CORIN: variants seen among roughly 807,000 people sequenced by gnomAD.
CORIN encodes the protein corin, serine peptidase.
Under a neutral mutation model 125.3 loss-of-function variants are expected in CORIN, and 117 were observed. That is an observed-to-expected ratio of 0.93 (90% CI 0.80 to 1.09). The LOEUF (loss-of-function observed/expected upper bound fraction) is 1.09, where lower values mean the gene tolerates loss of function less well. CORIN is among the 50% of genes least tolerant of loss of function. CORIN has a pLI of 0.00. For missense variants in CORIN, 1,253 were observed against 1,306.7 expected, an observed-to-expected ratio of 0.96 and a Z score of 0.63; for synonymous variants, 450 against 466.4, an observed-to-expected ratio of 0.96 and a Z score of 0.45.
chr4:47,646,107 T>C (rs1220410732), intron 13 of CORIN, among the ~76,000 whole-genome samples: 1 of 150,218 alleles, frequency 6.7e-6, no homozygotes, highest in Non-Finnish European at 1.5e-5. Context: ...AAAGCATACA[T>C]TAACATTCAT....
At chr4:47,756,540 T>G (rs1046204497) in intron 4 of CORIN, among the ~76,000 whole-genome samples, 2 of 152,232 alleles carry the variant, frequency 1.3e-5, no homozygotes, top group Non-Finnish European at 2.9e-5. Flanking sequence ...AAGGATTAAG[T>G]ACACTAAAGA....
intron 21 of CORIN, among the ~76,000 whole-genome samples, chr4:47,597,351 C>CAAAA (rs11420411): frequency 8.5e-6 from 1 of 117,872 alleles, no homozygotes. Context: ...AACTCCATCT[C>CAAAA]AAAAAAAAAA....
chr4:47,717,482 C>T (rs1727147022), intron 5 of CORIN, among the ~76,000 whole-genome samples: 1 of 152,200 alleles, frequency 6.6e-6, no homozygotes, highest in African/African-American at 2.4e-5. Flanking sequence ...CGTCCCCAAT[C>T]CTTCATCCAT....
intron 5 of CORIN, among the ~76,000 whole-genome samples, chr4:47,705,023 A>T (rs1281845162): frequency 2.0e-5 from 3 of 152,176 alleles, no homozygotes; most frequent in African/African-American, 7.2e-5. Flanking sequence ...ATCTTTTCTG[A>T]AGGGCATACT....
At chr4:47,605,700 T>C (rs1721621117) in intron 19 of CORIN, among the ~76,000 whole-genome samples, 1 of 152,126 alleles carries the variant, frequency 6.6e-6, no homozygotes, top group Non-Finnish European at 1.5e-5. Flanking sequence ...TGGGAGCCTT[T>C]AAAATAGTGA....
At chr4:47,747,702 A>G (rs1024554757) in intron 4 of CORIN, among the ~76,000 whole-genome samples, 1 of 152,200 alleles carries the variant, frequency 6.6e-6, no homozygotes, top group Non-Finnish European at 1.5e-5. Flanking sequence ...GGAAAGCCTC[A>G]GTCTATCACC....
Position 47,641,772 on chromosome 4 carries a change from T to C in CORIN, c.2198+148A>G, listed in dbSNP as rs2109610132. 9 of 848,390 alleles carry C rather than the reference T, an allele frequency of 1.1e-5. 1 individual carries two copies. Among genetic ancestry groups the C allele is most frequent in the East Asian group, 2.7e-5 (1 of 37,438 alleles). 52.6% of individuals were successfully genotyped at this position (848,390 alleles called of 1,614,324 possible). Reference sequence around the variant, plus strand: ...CAGGGCAGGTGCCTATAATTAAATATGGTCCTCTCACCTGATTCATTTCCC... The same window carrying C: ...CAGGGCAGGTGCCTATAATTAAATACGGTCCTCTCACCTGATTCATTTCCC... On this transcript the variant is annotated intron_variant, in intron 16 of 21. Transcript: ENST00000273857.
chr4:47,766,412 C>G (rs890130255), intron 3 of CORIN, among the ~76,000 whole-genome samples: 1 of 152,030 alleles, frequency 6.6e-6, no homozygotes, highest in African/African-American at 2.4e-5. Context: ...CACACTCTTA[C>G]TATTTCTTAA....
chr4:47,797,435 A>T (rs958234464), intron 2 of CORIN, among the ~76,000 whole-genome samples: 1 of 151,896 alleles, frequency 6.6e-6, no homozygotes, highest in African/African-American at 2.4e-5. Flanking sequence ...GCCTAAGAAT[A>T]AAAGGCCTGT....
At chr4:47,749,745 T>C (rs1438098096) in intron 4 of CORIN, among the ~76,000 whole-genome samples, 1 of 152,226 alleles carries the variant, frequency 6.6e-6, no homozygotes, top group Non-Finnish European at 1.5e-5. Context: ...TTCTATTCAT[T>C]GACAAGACTC....
intron 5 of CORIN, chr4:47,706,335 G>C (rs1317014483): frequency 1.0e-5 from 15 of 1,483,914 alleles, no homozygotes; most frequent in Non-Finnish European, 1.4e-5. Context: ...ACCAACTTTT[G>C]CCTTTCCGTC....
intron 3 of CORIN, among the ~76,000 whole-genome samples, chr4:47,764,591 A>G (rs1729621698): frequency 6.6e-6 from 1 of 152,232 alleles, no homozygotes; most frequent in African/African-American, 2.4e-5. Context: ...ATTATACATG[A>G]GAAAACTCAA....
intron 1 of CORIN, chr4:47,831,300 A>G (rs1732982254): frequency 6.6e-6 from 1 of 152,332 alleles, no homozygotes; most frequent in Non-Finnish European, 1.5e-5. Flanking sequence ...CAGCAGGCAG[A>G]AGGGAAGGCA....
chr4:47,647,749 G>A (rs1723550521), intron 13 of CORIN, among the ~76,000 whole-genome samples: 1 of 152,198 alleles, frequency 6.6e-6, no homozygotes, highest in Non-Finnish European at 1.5e-5. Context: ...TTTGTAAGAT[G>A]CGAACATGAA....
intron 1 of CORIN, among the ~76,000 whole-genome samples, chr4:47,807,781 T>A (rs1261618993): frequency 6.6e-6 from 1 of 152,226 alleles, no homozygotes; most frequent in East Asian, 1.9e-4. Flanking sequence ...AGAAATGATA[T>A]CTGGAAATTC....
intron 9 of CORIN, among the ~76,000 whole-genome samples, chr4:47,677,222 G>A (rs145275033): frequency 2.0e-5 from 3 of 152,276 alleles, no homozygotes; most frequent in Non-Finnish European, 2.9e-5. Context: ...ACCTAAAAGG[G>A]ATGTAAGTAT....
intron 2 of CORIN, 56 bp from the exon 3 acceptor site, chr4:47,786,981 G>A (rs1730845950): frequency 5.7e-6 from 7 of 1,219,152 alleles, no homozygotes; most frequent in Non-Finnish European, 2.3e-6. Context: ...TACTAGAAGT[G>A]TTTATTTTAA....
intron 16 of CORIN, among the ~76,000 whole-genome samples, chr4:47,632,725 T>TGATAGATAGATAGATATAGATA (rs1553905880): frequency 8.7e-5 from 11 of 126,658 alleles, no homozygotes; most frequent in African/African-American, 3.5e-4. Context: ...TGACAATAGA[T>TGATAGATAGATAGATATAGATA]GATAGATAGA....
At chr4:47,664,804 A>G (rs1288304585) in intron 11 of CORIN, among the ~76,000 whole-genome samples, 1 of 152,204 alleles carries the variant, frequency 6.6e-6, no homozygotes, top group East Asian at 1.9e-4. Flanking sequence ...CACATAAACT[A>G]TCATCAAAGG....
Sources: gnomAD v4.1 joint callset for allele counts (sites outside exome capture counted in the v4.1 genomes callset) on GRCh38, gnomAD v4.1.1 for gene constraint, MANE v1.5 for transcripts, NCBI Gene and HGNC (gene_info 2026-07-23, HGNC 2026-07-21) for gene names.